The following NCAM2 variants were observed in gnomAD, a reference collection of about 807,000 sequenced individuals.
NCAM2 encodes neural cell adhesion molecule 2, also known as N-CAM-2.
Under a neutral mutation model 98.1 loss-of-function variants are expected in NCAM2, and 30 were observed. The observed-to-expected ratio is 0.31, with a 90% CI of 0.23 to 0.41. The LOEUF is 0.41. Ranked by LOEUF, NCAM2 falls within the 10% of genes least tolerant of loss-of-function variation. NCAM2 has a pLI of 1.00. For missense variants in NCAM2, 867 were observed against 1,005.8 expected, an observed-to-expected ratio of 0.86 and a Z score of 1.87; for synonymous variants, 368 against 342.4, an observed-to-expected ratio of 1.07 and a Z score of -0.83.
chr21:21,436,291 C>T (rs1015899742), intron 12 of NCAM2, among the ~76,000 whole-genome samples: 1 of 152,080 alleles, frequency 6.6e-6, no homozygotes, highest in Non-Finnish European at 1.5e-5. Context: ...AGCATTTCCA[C>T]CTTACTCACA....
chr21:21,341,804 C>T (rs1367646829), intron 8 of NCAM2, among the ~76,000 whole-genome samples: 2 of 150,588 alleles, frequency 1.3e-5, no homozygotes, highest in African/African-American at 2.4e-5. Flanking sequence ...TGAGTGAATG[C>T]TCTTATACTG....
At chr21:21,265,344 A>ATG (rs1187766524) in intron 1 of NCAM2, among the ~76,000 whole-genome samples, 2 of 125,692 alleles carry the variant, frequency 1.6e-5, no homozygotes, top group Non-Finnish European at 3.3e-5. Flanking sequence ...ATATATGTGT[A>ATG]TGTATGTATA....
intron 14 of NCAM2, 88 bp from the exon 15 acceptor site, chr21:21,477,177 AATTGTTCCAATATCCAATATAAGTAT>A (rs2146260903): frequency 2.7e-6 from 2 of 729,186 alleles, no homozygotes; most frequent in Non-Finnish European, 4.1e-6. Context: ...TGCCTATGAA[AATTGTTCCAATATCCAATATAAGTAT>A]ATTGTTCCAA....
chr21:21,022,985 A>T (rs2064467507), intron 1 of NCAM2, among the ~76,000 whole-genome samples: 1 of 152,222 alleles, frequency 6.6e-6, no homozygotes, highest in Non-Finnish European at 1.5e-5. Flanking sequence ...AAAATGAGTT[A>T]ATATTTATAG....
intron 8 of NCAM2, among the ~76,000 whole-genome samples, chr21:21,353,265 C>G (rs1295126627): frequency 6.6e-6 from 1 of 152,074 alleles, no homozygotes; most frequent in African/African-American, 2.4e-5. Flanking sequence ...TGATGGAATA[C>G]CATCTAAAAA....
intron 1 of NCAM2, among the ~76,000 whole-genome samples, chr21:21,056,565 G>A (rs541588790): frequency 0.059 from 8,797 of 150,346 alleles, 257 homozygotes; most frequent in East Asian, 0.095. Context: ...GAGAGAGTGA[G>A]AGAGAGAGAT....
intron 1 of NCAM2, among the ~76,000 whole-genome samples, chr21:21,200,709 A>C (rs1016449330): frequency 6.8e-6 from 1 of 146,080 alleles, no homozygotes; most frequent in Non-Finnish European, 1.5e-5. Flanking sequence ...AAATGAAAAC[A>C]TGTTTGTCCT....
intron 1 of NCAM2, among the ~76,000 whole-genome samples, chr21:21,153,386 C>G (rs887317038): frequency 6.6e-5 from 10 of 151,650 alleles, no homozygotes; most frequent in Admixed American, 2.0e-4. Flanking sequence ...CATAAGTGAA[C>G]TTACACTACT....
intron 15 of NCAM2, among the ~76,000 whole-genome samples, chr21:21,489,181 G>A (rs1986643320): frequency 6.6e-6 from 1 of 151,938 alleles, no homozygotes. Context: ...TTTTAGTAGA[G>A]GCAGGGTTTC....
intron 1 of NCAM2, among the ~76,000 whole-genome samples, chr21:21,121,904 C>T (rs1318409394): frequency 6.6e-6 from 1 of 152,162 alleles, no homozygotes; most frequent in Non-Finnish European, 1.5e-5. Flanking sequence ...AGTGATGAGA[C>T]AGGGTAAAGT....
chr21:21,349,839 G>T (rs1227967971), intron 8 of NCAM2, among the ~76,000 whole-genome samples: 1 of 152,128 alleles, frequency 6.6e-6, no homozygotes, highest in Admixed American at 6.6e-5. Flanking sequence ...AACATCACAT[G>T]TTCTCACTTA....
chr21:21,322,382 T>C (rs2074398529), intron 5 of NCAM2, among the ~76,000 whole-genome samples: 1 of 152,032 alleles, frequency 6.6e-6, no homozygotes, highest in African/African-American at 2.4e-5. Flanking sequence ...CAGAACCACC[T>C]TTACCCCAAA....
At chr21:21,477,698 GA>G (rs913595602) in intron 15 of NCAM2, among the ~76,000 whole-genome samples, 30 of 152,134 alleles carry the variant, frequency 2.0e-4, no homozygotes, top group Non-Finnish European at 1.5e-4. Context: ...GAGTGGTGGA[GA>G]AAGAATGACT....
intron 12 of NCAM2, among the ~76,000 whole-genome samples, chr21:21,449,999 G>A (rs1980783829): frequency 1.3e-5 from 2 of 151,840 alleles, no homozygotes; most frequent in Non-Finnish European, 1.5e-5. Flanking sequence ...TTAAACTAAT[G>A]TACTGTTTTG....
At chr21:21,000,039 A>C (rs1021184862) in intron 1 of NCAM2, among the ~76,000 whole-genome samples, 2 of 152,234 alleles carry the variant, frequency 1.3e-5, no homozygotes, top group African/African-American at 4.8e-5. Context: ...ATAGAGTATG[A>C]AATATTTCAG....
intron 1 of NCAM2, among the ~76,000 whole-genome samples, chr21:21,044,379 A>C (rs912833346): frequency 2.0e-5 from 3 of 152,202 alleles, no homozygotes; most frequent in Non-Finnish European, 4.4e-5. Context: ...GATCTTGAAG[A>C]GCAACAGAAG....
At chr21:21,042,431 G>T (rs531016212) in intron 1 of NCAM2, among the ~76,000 whole-genome samples, 2 of 152,042 alleles carry the variant, frequency 1.3e-5, no homozygotes, top group Non-Finnish European at 2.9e-5. Context: ...TGATCCACCC[G>T]CCTCGGCCTC....
chr21:21,115,338 T>C (rs2066532807), intron 1 of NCAM2, among the ~76,000 whole-genome samples: 1 of 152,100 alleles, frequency 6.6e-6, no homozygotes, highest in South Asian at 2.1e-4. Flanking sequence ...CCATTTAGAA[T>C]CCTTATTGTT....
intron 1 of NCAM2, among the ~76,000 whole-genome samples, chr21:21,264,881 GAT>G (rs1371914649): frequency 9.1e-4 from 66 of 72,222 alleles, no homozygotes; most frequent in African/African-American, 3.6e-3. Context: ...TTCATAGTGG[GAT>G]ATATATATGT....
Sources: allele counts gnomAD v4.1 joint callset (sites outside exome capture counted in the v4.1 genomes callset), GRCh38; gene constraint gnomAD v4.1.1; transcripts MANE v1.5; gene names NCBI Gene and HGNC (gene_info 2026-07-23, HGNC 2026-07-21).